BRAF: variants seen among roughly 807,000 people sequenced by gnomAD.
BRAF encodes the protein serine/threonine-protein kinase B-raf.
BRAF carries 16 observed loss-of-function variants against 104.6 expected under a neutral mutation model. The ratio of observed to expected loss-of-function variants is 0.15; its 90% CI spans 0.10 to 0.23. The LOEUF (loss-of-function observed/expected upper bound fraction) is 0.23, where lower values mean the gene tolerates loss of function less well. Among genes scored for constraint, BRAF ranks in the 10% least tolerant of loss-of-function variants. The probability of loss-of-function intolerance (pLI) is 1.00; values close to 1 mark genes in which losing one functional copy is unlikely to be tolerated. For synonymous variants in BRAF, 310 were observed against 341.6 expected (o/e 0.91, Z 1.02); for missense variants, 541 against 937.3 (o/e 0.58, Z 5.52).
chr7:140,885,408 A>G (rs996517849), intron 1 of BRAF, among the ~76,000 whole-genome samples: 1 of 152,198 alleles, frequency 6.6e-6, no homozygotes, highest in Non-Finnish European at 1.5e-5. Context: ...AATTTGTTGG[A>G]ATATCATACA....
intron 19 of BRAF, chr7:140,734,370 A>G (rs549950962): frequency 7.3e-7 from 1 of 1,376,576 alleles, no homozygotes; most frequent in Admixed American, 2.9e-5. Context: ...AGGCTCTGCC[A>G]ATTTTTAGCA....
chr7:140,719,819 G>A lies in BRAF; in HGVS notation c.*6675C>T, dbSNP rs1320654663. The A allele has an allele frequency of 1.9e-6, 2 of 1,062,664 alleles. No individual in the cohort carries two copies. Among genetic ancestry groups the A allele is most frequent in the Non-Finnish European group, 2.3e-6 (2 of 877,732 alleles). The allele number at this position is 1,062,664 out of a possible 1,614,324, so 65.8% of individuals were successfully genotyped here. A position where few individuals can be genotyped will look rare whatever the true frequency, so the allele number is the denominator to read the frequency against. On this transcript the variant is annotated 3_prime_UTR_variant, in exon 20 of 20. Coordinates refer to ENST00000644969, the MANE Select transcript of BRAF (RefSeq NM_001374258.1). The stretch of plus-strand genomic sequence containing the variant: ...AAGTCCCCATCTTTTCACTGGGCAC[G>A]CCCCAGACTCCACGAGAACCTTTTC...
downstream of BRAF, among the ~76,000 whole-genome samples, chr7:140,719,170 T>C (rs1314163017): frequency 1.3e-5 from 2 of 152,242 alleles, no homozygotes; most frequent in Non-Finnish European, 2.9e-5. Flanking sequence ...TGCATGAAAC[T>C]TGACAACTTA....
At chr7:140,758,562 C>G (rs1316808920) in intron 14 of BRAF, among the ~76,000 whole-genome samples, 1 of 151,830 alleles carries the variant, frequency 6.6e-6, no homozygotes, top group African/African-American at 2.4e-5. Flanking sequence ...TCAAGAGATC[C>G]ACCCAACTCA....
chr7:140,776,886 C>T (rs547857147), intron 14 of BRAF, 26 bp downstream of exon 13: 9 of 1,601,446 alleles, frequency 5.6e-6, no homozygotes, highest in South Asian at 4.4e-5. Context: ...AAATAATTTA[C>T]AAGACATTTA....
At chr7:140,898,788 A>G (rs1017057354) in intron 1 of BRAF, among the ~76,000 whole-genome samples, 1 of 152,230 alleles carries the variant, frequency 6.6e-6, no homozygotes, top group Non-Finnish European at 1.5e-5. Context: ...ATCTCTACTT[A>G]TAATTCTAGT....
intron 1 of BRAF, among the ~76,000 whole-genome samples, chr7:140,853,730 T>C (rs1809454322): frequency 6.6e-6 from 1 of 152,184 alleles, no homozygotes; most frequent in African/African-American, 2.4e-5. Context: ...ATCCCTCCCA[T>C]TCCTTAAAGG....
At chr7:140,752,341 C>T (rs909738049) in intron 16 of BRAF, among the ~76,000 whole-genome samples, 1 of 152,118 alleles carries the variant, frequency 6.6e-6, no homozygotes, top group African/African-American at 2.4e-5. Flanking sequence ...CTGTGATTCT[C>T]CTCAATGTCT....
At position 140,785,596 on chromosome 7, in the gene BRAF, C is replaced by A. The variant is rs943106936; in HGVS notation, c.1297+93G>T. 7 of 396,160 alleles carry A rather than the reference C, an allele frequency of 1.8e-5. 1 individual carries two copies. The highest frequency in any genetic ancestry group is 3.6e-5 in the East Asian group (1 of 28,006). 24.5% of individuals were successfully genotyped at this position (396,160 alleles called of 1,614,324 possible). ...TTAGTACTGAAAACTTTCACACTTA[C>A]AAACACACGCTGTGAGGGTGAGGCA... is the stretch of plus-strand genomic sequence containing the variant. On this transcript the variant is annotated intron_variant, in intron 10 of 19. Coordinates refer to ENST00000644969, the MANE Select transcript of BRAF (RefSeq NM_001374258.1).
In BRAF at chr7:140,722,695, GAA is replaced by G; in HGVS notation, c.*3797_*3798del. ...CCTCTTAGCTGGGTGGTCTTTCTAT[GAA>G]TGCCTGTGCATGTGACAAAGCTGCA... On this transcript the variant is annotated 3_prime_UTR_variant, in exon 20 of 20. Coordinates refer to ENST00000644969, the MANE Select transcript of BRAF (RefSeq NM_001374258.1). 1 of 1,051,416 alleles carries G rather than the reference GAA, an allele frequency of 9.5e-7. No individual in the cohort carries two copies. Among genetic ancestry groups the G allele is most frequent in the Non-Finnish European group, 1.1e-6 (1 of 870,592 alleles). 65.1% of individuals were successfully genotyped at this position (1,051,416 alleles called of 1,614,324 possible).
chr7:140,786,845 A>G (rs1444061648), intron 9 of BRAF, among the ~76,000 whole-genome samples: 5 of 152,362 alleles, frequency 3.3e-5, no homozygotes, highest in Admixed American at 2.0e-4. Context: ...TTTATCAACA[A>G]TAGCTTTCAA....
Position 140,793,495 on chromosome 7 carries a change from A to C in BRAF, c.1140+813T>G, listed in dbSNP as rs142059034. 9.2e-5 allele frequency among the ~76,000 whole-genome samples: 14 copies of C among 152,100 alleles called. No homozygotes were observed. The East Asian group carries it at 2.7e-3, about 29-fold the overall frequency. On this transcript the variant is annotated intron_variant, in intron 8 of 19. Transcript: ENST00000644969. ...AAATTTACCTAAAATTACAAAATTA[A>C]AATTTATAAGTTTTTCTTTTATATT...
chr7:140,856,431 A>G (rs1451552045), intron 1 of BRAF, among the ~76,000 whole-genome samples: 1 of 152,214 alleles, frequency 6.6e-6, no homozygotes, highest in East Asian at 1.9e-4. Flanking sequence ...TTTGACAAAG[A>G]AATCAAAGCT....
intron 2 of BRAF, chr7:140,836,250 T>G (rs1176296935): frequency 1.3e-5 from 2 of 152,170 alleles, no homozygotes; most frequent in South Asian, 4.1e-4. Flanking sequence ...GCAGCATCCC[T>G]GTTTTCTTAA....
At chr7:140,728,462 G>T (rs990151110) in intron 19 of BRAF, among the ~76,000 whole-genome samples, 1 of 151,816 alleles carries the variant, frequency 6.6e-6, no homozygotes, top group Non-Finnish European at 1.5e-5. Flanking sequence ...ATTAACTAAG[G>T]TATTGTGAGT....
At chr7:140,858,501 T>G (rs1051836922) in intron 1 of BRAF, among the ~76,000 whole-genome samples, 1 of 152,210 alleles carries the variant, frequency 6.6e-6, no homozygotes, top group East Asian at 1.9e-4. Flanking sequence ...TCCTGGATTC[T>G]TTAATAAATC....
chr7:140,728,115 G>T (rs1795714430), intron 19 of BRAF, among the ~76,000 whole-genome samples: 1 of 152,202 alleles, frequency 6.6e-6, no homozygotes, highest in South Asian at 2.1e-4. Flanking sequence ...AGCTTTGTAA[G>T]CTGATAGTAT....
In BRAF at chr7:140,720,996, T is replaced by C; in HGVS notation, c.*5498A>G. Reference sequence around the variant, plus strand: ...CGGCTGGCCGGGAGAAGCAGATGGTTTGTACAAACATTTTTTGATACTACC... The same window carrying C: ...CGGCTGGCCGGGAGAAGCAGATGGTCTGTACAAACATTTTTTGATACTACC... On this transcript the variant is annotated 3_prime_UTR_variant, in exon 20 of 20. Coordinates refer to ENST00000644969, the MANE Select transcript of BRAF (RefSeq NM_001374258.1). 9.4e-7 allele frequency: 1 copy of C among 1,064,434 alleles called. No individual in the cohort carries two copies. Among genetic ancestry groups the C allele is most frequent in the Non-Finnish European group, 1.1e-6 (1 of 878,834 alleles). 65.9% of individuals were successfully genotyped at this position (1,064,434 alleles called of 1,614,324 possible).
downstream of BRAF, among the ~76,000 whole-genome samples, chr7:140,717,445 T>A (rs912833277): frequency 6.6e-6 from 1 of 152,256 alleles, no homozygotes; most frequent in Admixed American, 6.5e-5. Flanking sequence ...TAATTAAATT[T>A]TTTTTTTGGC....
Sources: allele counts gnomAD v4.1 joint callset (sites outside exome capture counted in the v4.1 genomes callset), GRCh38; gene constraint gnomAD v4.1.1; transcripts MANE v1.5; gene names NCBI Gene and HGNC (gene_info 2026-07-23, HGNC 2026-07-21).